MAU2: variants seen among roughly 807,000 people sequenced by gnomAD.
The protein encoded by MAU2 is MAU2 chromatid cohesion factor homolog.
A neutral mutation model predicts 89.1 loss-of-function variants in MAU2; 9 were observed. The ratio of observed to expected loss-of-function variants is 0.10; its 90% CI spans 0.06 to 0.18. MAU2 has a LOEUF of 0.18. Ranked by LOEUF, MAU2 falls within the 10% of genes least tolerant of loss-of-function variation. The pLI, the probability that MAU2 is intolerant of heterozygous loss-of-function variation, is 1.00. For synonymous variants in MAU2, 357 were observed against 343.4 expected (o/e 1.04, Z -0.44); for missense variants, 425 against 803.5 (o/e 0.53, Z 5.69).
rs917728617 is a variant in MAU2, at chr19:19,340,179, A to T, written c.552-667A>T. 6.0e-5 allele frequency among the ~76,000 whole-genome samples: 9 copies of T among 150,322 alleles called. 1 individual carries two copies. In the South Asian group the frequency reaches 1.1e-3, roughly 18 times the overall value. On this transcript the variant is annotated intron_variant, in intron 5 of 18. Coordinates refer to ENST00000262815, the MANE Select transcript of MAU2 (RefSeq NM_015329.4). ...GACTCCATCTCAAAAAAAAAAAAAA[A>T]AAAATTAACCAGGCATGGTGCCAGG...
intron 10 of MAU2, chr19:19,344,389 G>C: frequency 4.4e-6 from 1 of 225,796 alleles, no homozygotes; most frequent in South Asian, 7.0e-5. Flanking sequence ...TCCAACCTGG[G>C]CAACAGAGTG....
chr19:19,350,896 T>C (rs1027359750), intron 16 of MAU2, among the ~76,000 whole-genome samples: 114 of 95,772 alleles, frequency 1.2e-3, no homozygotes, highest in African/African-American at 3.2e-3. Context: ...CAAGACTCCA[T>C]CTCAAAAAAA....
chr19:19,323,039 C>T (rs947399656), intron 1 of MAU2, among the ~76,000 whole-genome samples: 26 of 151,294 alleles, frequency 1.7e-4, no homozygotes, highest in East Asian at 1.6e-3. Context: ...TACAGGTGTG[C>T]GCCACCACAC....
intron 2 of MAU2, 100 bp from the exon 3 acceptor site, chr19:19,336,022 T>C (rs1435746225): frequency 1.2e-6 from 1 of 844,012 alleles, no homozygotes; most frequent in East Asian, 2.4e-5. Context: ...CAGGGACGTG[T>C]GTGCCCTGCA....
At chr19:19,332,577 C>G (rs2061564528) in intron 1 of MAU2, among the ~76,000 whole-genome samples, 1 of 127,720 alleles carries the variant, frequency 7.8e-6, no homozygotes, top group Non-Finnish European at 1.8e-5. Flanking sequence ...GCGCTCCTGA[C>G]ACCCACTGAC....
At chr19:19,342,742 C>G (rs1414558663) in intron 8 of MAU2, 34 bp from the exon 9 acceptor site, 7 of 1,613,696 alleles carry the variant, frequency 4.3e-6, no homozygotes, top group Non-Finnish European at 5.9e-6. Context: ...GGGAGAGGGC[C>G]CTGGTAACCC....
intron 1 of MAU2, among the ~76,000 whole-genome samples, chr19:19,333,178 G>A (rs748623242): frequency 1.3e-5 from 2 of 151,936 alleles, no homozygotes; most frequent in Admixed American, 6.6e-5. Flanking sequence ...GGCCCCAAAT[G>A]GAGAAGGGAC....
rs2061689684 is a variant in MAU2 at position 19,345,959 on chromosome 19, T to C, written c.1221+590T>C. Among the ~76,000 whole-genome samples, 1 of 152,086 alleles carries C rather than the reference T, an allele frequency of 6.6e-6. No individual in the cohort carries two copies. Among genetic ancestry groups the C allele is most frequent in the Non-Finnish European group, 1.5e-5 (1 of 67,994 alleles). On this transcript the variant is annotated intron_variant, in intron 12 of 18. Coordinates refer to ENST00000262815, the MANE Select transcript of MAU2 (RefSeq NM_015329.4). This position sits in a 1 kb window ranked among gnomAD's most constrained non-coding sequence, Gnocchi z 4.9. ...TCAGCCTCAACCTCCTCACAGGAAATGGAGGCTGTGGACACCTTTTTCCTG... is the reference window on the plus strand; with the variant it reads ...TCAGCCTCAACCTCCTCACAGGAAACGGAGGCTGTGGACACCTTTTTCCTG...
At chr19:19,341,432 T>G (rs1267160285) in intron 7 of MAU2, 25 bp downstream of exon 7, 1 of 1,612,114 alleles carries the variant, frequency 6.2e-7, no homozygotes. Context: ...TCAGGCGAGC[T>G]GCTGGTTGTG....
At chr19:19,342,260 G>T (rs1278503774) in intron 7 of MAU2, among the ~76,000 whole-genome samples, 2 of 152,180 alleles carry the variant, frequency 1.3e-5, no homozygotes, top group African/African-American at 4.8e-5. Context: ...CTCCAGCAGG[G>T]TCTGGATAGG....
At chr19:19,343,267 G>A (rs751131072) in intron 9 of MAU2, among the ~76,000 whole-genome samples, 6 of 152,174 alleles carry the variant, frequency 3.9e-5, no homozygotes, top group Non-Finnish European at 7.3e-5. Context: ...ATCCATCCAG[G>A]GACCTTTGAC....
chr19:19,341,558 T>A (rs1599911708), intron 7 of MAU2, 151 bp downstream of exon 7: 12 of 971,642 alleles, frequency 1.2e-5, no homozygotes, highest in Non-Finnish European at 7.5e-6. Flanking sequence ...ACACACACAC[T>A]CCTGTCCTGC....
chr19:19,332,801 C>A (rs573484776), intron 1 of MAU2, among the ~76,000 whole-genome samples: 26 of 152,126 alleles, frequency 1.7e-4, no homozygotes, highest in Admixed American at 1.3e-4. Context: ...TCTTGGCCAG[C>A]CGCTGCGGCT....
Position 19,342,518 on chromosome 19 carries a change from G to A in MAU2, c.736-17G>A, listed in dbSNP as rs1599913185. On this transcript the variant is annotated splice_polypyrimidine_tract_variant and intron_variant, in intron 7 of 18. Coordinates refer to ENST00000262815, the MANE Select transcript of MAU2 (RefSeq NM_015329.4). Reference sequence around the variant, plus strand: ...AGGCCAGGCTCAGGTGGATGCTCGGGTGTGGGTGCTGCACAGGTGAAGAGC... The same window carrying A: ...AGGCCAGGCTCAGGTGGATGCTCGGATGTGGGTGCTGCACAGGTGAAGAGC... 1 of 1,549,108 alleles carries A rather than the reference G, an allele frequency of 6.5e-7. No individual in the cohort carries two copies. Among genetic ancestry groups the A allele is most frequent in the Non-Finnish European group, 8.7e-7 (1 of 1,145,908 alleles).
rs1456552324 is a variant in MAU2 at position 19,325,278 on chromosome 19, C to T, written c.276+4143C>T. On this transcript the variant is annotated intron_variant, in intron 1 of 18. Coordinates refer to ENST00000262815, the MANE Select transcript of MAU2 (RefSeq NM_015329.4). ...GCAACCTCTGCCTCCCGGGTTCAAG[C>T]GAGTCTCCTGCCTCAGCCTCCCAAG... Among the ~76,000 whole-genome samples the T allele has an allele frequency of 3.3e-5, 5 of 152,106 alleles. No homozygotes were observed. In the South Asian group the frequency reaches 6.2e-4, roughly 19 times the overall value.
Position 19,355,368 on chromosome 19 carries a change from C to T in MAU2, c.1744C>T (p.Leu582Phe). ...CCAGGACCACATTGAGGCCTGCAGC[C>T]TCCCCGAACACAACCTCATCACGGT... ...LLQDHIEACS[L>F]PEHNLITWTD... The change falls in exon 18 of 19, where the codon CTC (leucine) becomes TTC (phenylalanine). Residue 582 changes from leucine (L) to phenylalanine (F), a missense_variant. By Grantham distance (22) the Leu-to-Phe change is conservative (BLOSUM62 0). Transcript: ENST00000262815. 1 of 1,614,066 alleles carries T rather than the reference C, an allele frequency of 6.2e-7. No individual in the cohort carries two copies. The highest frequency in any genetic ancestry group is 8.5e-7 in the Non-Finnish European group (1 of 1,179,976).
At chr19:19,355,066 C>A in intron 17 of MAU2, 198 bp from the exon 18 acceptor site, 1 of 641,790 alleles carries the variant, frequency 1.6e-6, no homozygotes, top group Non-Finnish European at 2.6e-6. Context: ...GCCCAGCCAG[C>A]CCTGTTCTGC....
At position 19,347,405 on chromosome 19, in the gene MAU2, G is replaced by C. The variant is rs761157017; in HGVS notation, c.1308+39G>C. ...TTCATGTTCGGTATCCTTTCTCTCT[G>C]TTCTCTTCTTTTTGGGGAACCAGGG... On this transcript the variant is annotated intron_variant, in intron 13 of 18. Coordinates refer to ENST00000262815, the MANE Select transcript of MAU2 (RefSeq NM_015329.4). 2.0e-6 allele frequency: 3 copies of C among 1,525,630 alleles called. No individual in the cohort carries two copies. The African/African-American group carries it at 4.1e-5, about 21-fold the overall frequency. The allele number at this position is 1,525,630 out of a possible 1,614,324, so 94.5% of individuals were successfully genotyped here.
intron 1 of MAU2, among the ~76,000 whole-genome samples, chr19:19,329,417 T>A (rs1267783195): frequency 6.6e-6 from 1 of 152,200 alleles, no homozygotes; most frequent in Non-Finnish European, 1.5e-5. Context: ...CCGGTTCTTC[T>A]ACTTCCTGAT....
Sources: allele counts gnomAD v4.1 joint callset (sites outside exome capture counted in the v4.1 genomes callset), GRCh38; gene constraint gnomAD v4.1.1; non-coding constraint Gnocchi (gnomAD v3.1); transcripts MANE v1.5; gene names NCBI Gene and HGNC (gene_info 2026-07-23, HGNC 2026-07-21).